The following COMMD9 variants were observed in gnomAD, a reference collection of about 807,000 sequenced individuals.
The protein encoded by COMMD9 is COMM domain containing 9.
COMMD9 carries 22 observed loss-of-function variants against 23.4 expected under a neutral mutation model. The observed-to-expected ratio is 0.94, with a 90% CI of 0.67 to 1.34. The LOEUF is 1.34. Among genes scored for constraint, COMMD9 ranks in the 40% most tolerant of loss-of-function variants. The pLI is 0.00. For synonymous variants in COMMD9, 99 were observed against 97.4 expected (o/e 1.02, Z -0.10); for missense variants, 231 against 240.2 (o/e 0.96, Z 0.25).
At chr11:36,275,158 C>G (rs1855949366) in intron 5 of COMMD9, among the ~76,000 whole-genome samples, 1 of 152,218 alleles carries the variant, frequency 6.6e-6, no homozygotes, top group Admixed American at 6.5e-5. Context: ...CAGGAACAAT[C>G]TTACAACCTT....
chr11:36,285,310 T>C (rs774375893), intron 1 of COMMD9, among the ~76,000 whole-genome samples: 2 of 152,152 alleles, frequency 1.3e-5, no homozygotes, highest in Non-Finnish European at 2.9e-5. Context: ...TCCCCTAATA[T>C]GAAATTGATC....
intron 1 of COMMD9, among the ~76,000 whole-genome samples, chr11:36,286,410 A>AAAAGAAAG (rs1179106289): frequency 3.8e-5 from 4 of 104,824 alleles, no homozygotes; most frequent in African/African-American, 1.6e-4. Flanking sequence ...AAAAAAAAAA[A>AAAAGAAAG]AAAGAAAGAA....
chr11:36,287,072 CGCGTAGT>C (rs1590408176), intron 1 of COMMD9, among the ~76,000 whole-genome samples: 6 of 148,854 alleles, frequency 4.0e-5, no homozygotes, highest in East Asian at 2.0e-4. Context: ...CTATGTATAT[CGCGTAGT>C]ATGTATACTA....
chr11:36,278,405 A>C (rs1856009618), intron 3 of COMMD9, 72 bp downstream of exon 3: 1 of 1,390,236 alleles, frequency 7.2e-7, no homozygotes, highest in South Asian at 1.2e-5. Flanking sequence ...GCATATTACT[A>C]CTTCTAGAAT....
chr11:36,280,924 T>TA lies in COMMD9; in HGVS notation c.52-88dup, dbSNP rs1334783127. On this transcript the variant is annotated intron_variant, in intron 1 of 5. Transcript: ENST00000263401. Reference sequence around the variant, plus strand: ...GTAATAATGTCTTTGTCATACATGATACCTTTGAGACTTAAATTTTAAAGG... The same window carrying TA: ...GTAATAATGTCTTTGTCATACATGATAACCTTTGAGACTTAAATTTTAAAGG... 2.3e-6 allele frequency: 3 copies of TA among 1,305,428 alleles called. No homozygotes were observed. In the African/African-American group the frequency reaches 4.4e-5, roughly 19 times the overall value. The allele number at this position is 1,305,428 out of a possible 1,614,324, so 80.9% of individuals were successfully genotyped here.
intron 3 of COMMD9, 131 bp downstream of exon 3, chr11:36,278,346 G>T: frequency 1.3e-6 from 1 of 776,666 alleles, no homozygotes; most frequent in Non-Finnish European, 2.1e-6. Flanking sequence ...AATTACAGGT[G>T]TCTTATTTTC....
At chr11:36,283,267 G>A (rs1856096549) in intron 1 of COMMD9, among the ~76,000 whole-genome samples, 1 of 152,146 alleles carries the variant, frequency 6.6e-6, no homozygotes, top group African/African-American at 2.4e-5. Context: ...ATCACAATCA[G>A]GAAGACAGAA....
intron 1 of COMMD9, among the ~76,000 whole-genome samples, 186 bp from the exon 2 acceptor site, chr11:36,281,023 A>C (rs1162123141): frequency 3.3e-5 from 5 of 152,316 alleles, no homozygotes; most frequent in African/African-American, 1.2e-4. Context: ...GTACAACCAA[A>C]AACTTTGGAC....
chr11:36,276,092 T>C (rs765659829), intron 5 of COMMD9, 45 bp downstream of exon 5: 38 of 1,412,842 alleles, frequency 2.7e-5, no homozygotes, highest in South Asian at 5.8e-5. Context: ...TAGACGGCCA[T>C]AGGGGTGCTG....
In COMMD9 at chr11:36,274,647, G is replaced by A. The variant is rs143654028; in HGVS notation, c.582C>T (p.Ala194=). The A allele has an allele frequency of 5.0e-5, 80 of 1,614,260 alleles. No homozygotes were observed. In the African/African-American group the frequency reaches 6.4e-4, roughly 13 times the overall value. Residue 194 remains alanine (A), a synonymous_variant, in exon 6 of 6, where the codon GCC becomes GCT. Transcript: ENST00000263401. Reference sequence around the variant, plus strand: ...GCTGGCTGGATCATTTACTGGCCACGGCAGAGAGTTGGTCTCGGATGCGGC... The same window carrying A: ...GCTGGCTGGATCATTTACTGGCCACAGCAGAGAGTTGGTCTCGGATGCGGC... The part of the protein sequence containing the change: ...GLGRIRDQLS[A]VASK
Position 36,278,660 on chromosome 11 carries a change from A to G in COMMD9, c.178-44T>C, listed in dbSNP as rs998170538. On this transcript the variant is annotated intron_variant, in intron 2 of 5. Transcript: ENST00000263401. ...CACCTGTAGCTGTAACAGAAGCAGC[A>G]GGCAGGGGGCACAAGGCAGGGCCAG... is the stretch of plus-strand genomic sequence containing the variant. The G allele has an allele frequency of 1.9e-6, 3 of 1,604,216 alleles. No homozygotes were observed. The Admixed American group carries it at 5.2e-5, about 28-fold the overall frequency.
chr11:36,277,483 G>A (rs2133425609), intron 3 of COMMD9, among the ~76,000 whole-genome samples: 1 of 152,262 alleles, frequency 6.6e-6, no homozygotes, highest in Non-Finnish European at 1.5e-5. Context: ...CACAAATATT[G>A]CATCTTCTGC....
intron 2 of COMMD9, among the ~76,000 whole-genome samples, chr11:36,280,229 A>T (rs950184740): frequency 6.6e-6 from 1 of 152,240 alleles, no homozygotes; most frequent in Admixed American, 6.5e-5. Context: ...AAGTTACCTT[A>T]ATCTCCCTCT....
At chr11:36,278,704 C>G in intron 2 of COMMD9, 88 bp from the exon 3 acceptor site, 1 of 1,321,116 alleles carries the variant, frequency 7.6e-7, no homozygotes, top group Non-Finnish European at 1.0e-6. Context: ...CTCTACACCC[C>G]GAAGGCTGCA....
At chr11:36,276,814 T>A (rs187089691) in intron 4 of COMMD9, 2 of 306,720 alleles carry the variant, frequency 6.5e-6, no homozygotes, top group Admixed American at 9.6e-5. Flanking sequence ...TTGATTATTG[T>A]TAATTTTTTT....
At chr11:36,289,274 C>G in intron 1 of COMMD9, 88 bp downstream of exon 1, 4 of 1,332,376 alleles carry the variant, frequency 3.0e-6, no homozygotes, top group Non-Finnish European at 4.1e-6. Context: ...TGGCTCCAAA[C>G]CAGGGTCAAT....
chr11:36,279,710 T>C (rs772376412), intron 2 of COMMD9, among the ~76,000 whole-genome samples: 4 of 152,228 alleles, frequency 2.6e-5, no homozygotes, highest in Non-Finnish European at 4.4e-5. Context: ...ATAATCTACT[T>C]TGGGGGGGAA....
intron 1 of COMMD9, among the ~76,000 whole-genome samples, chr11:36,282,097 C>T (rs1856076063): frequency 6.6e-6 from 1 of 152,002 alleles, no homozygotes; most frequent in South Asian, 2.1e-4. Context: ...AGAAATTACC[C>T]ACTCAGAAAA....
chr11:36,286,759 TACAC>T (rs762218632), intron 1 of COMMD9, among the ~76,000 whole-genome samples: 205 of 152,270 alleles, frequency 1.3e-3, no homozygotes, highest in Non-Finnish European at 2.3e-3. Flanking sequence ...GAACTATTGA[TACAC>T]ACAACATGGA....
Sources: gnomAD v4.1 joint callset for allele counts (sites outside exome capture counted in the v4.1 genomes callset) on GRCh38, gnomAD v4.1.1 for gene constraint, MANE v1.5 for transcripts, NCBI Gene and HGNC (gene_info 2026-07-23, HGNC 2026-07-21) for gene names.